TGFBR3: variants seen among roughly 807,000 people sequenced by gnomAD.
TGFBR3 encodes the protein transforming growth factor beta receptor type 3.
Under a neutral mutation model 87.9 loss-of-function variants are expected in TGFBR3, and 46 were observed. The observed-to-expected ratio is 0.52, with a 90% CI of 0.41 to 0.67. The LOEUF is 0.67. Among genes scored for constraint, TGFBR3 ranks in the 30% least tolerant of loss-of-function variants. The pLI, the probability that TGFBR3 is intolerant of heterozygous loss-of-function variation, is 0.00. For synonymous variants in TGFBR3, 381 were observed against 391.6 expected, an observed-to-expected ratio of 0.97 and a Z score of 0.32; for missense variants, 866 against 1,041.9, an observed-to-expected ratio of 0.83 and a Z score of 2.32.
At chr1:91,730,146 A>G (rs1388437646) in intron 5 of TGFBR3, among the ~76,000 whole-genome samples, 173 bp from the exon 6 acceptor site, 15 of 152,128 alleles carry the variant, frequency 9.9e-5, no homozygotes, top group African/African-American at 3.6e-4. Context: ...GCATCCTGTT[A>G]TGGTCACCAG....
Position 91,683,966 on chromosome 1 carries a change from C to A in TGFBR3, c.2438-109G>T, listed in dbSNP as rs538165284. The stretch of plus-strand genomic sequence containing the variant: ...TTGCCATTTTAACTGATATTTTTCT[C>A]AACCAGGGCAGAAGCAACTAGACTA... On this transcript the variant is annotated intron_variant, in intron 16 of 16. Coordinates refer to ENST00000212355, the MANE Select transcript of TGFBR3 (RefSeq NM_003243.5). 4 of 1,040,896 alleles carry A rather than the reference C, an allele frequency of 3.8e-6. No individual in the cohort carries two copies. The South Asian group carries it at 5.7e-5, about 15-fold the overall frequency. The allele number at this position is 1,040,896 out of a possible 1,614,324, so 64.5% of individuals were successfully genotyped here.
At chr1:91,718,877 G>A (rs1330596756) in intron 10 of TGFBR3, among the ~76,000 whole-genome samples, 1 of 152,156 alleles carries the variant, frequency 6.6e-6, no homozygotes, top group Non-Finnish European at 1.5e-5. Flanking sequence ...TCATGAAGGA[G>A]GGAGAAGTTC....
chr1:91,743,004 G>T (rs995164077), intron 4 of TGFBR3, among the ~76,000 whole-genome samples: 1 of 152,068 alleles, frequency 6.6e-6, no homozygotes, highest in Non-Finnish European at 1.5e-5. Flanking sequence ...AGCCAAAGAG[G>T]CAACCAGCCC....
intron 2 of TGFBR3, among the ~76,000 whole-genome samples, chr1:91,856,006 C>T (rs1677929205): frequency 6.6e-6 from 1 of 151,952 alleles, no homozygotes; most frequent in African/African-American, 2.4e-5. Context: ...CACAGTCCAC[C>T]CTCCATCCTC....
At chr1:91,731,708 G>A (rs949369662) in intron 5 of TGFBR3, among the ~76,000 whole-genome samples, 1 of 152,230 alleles carries the variant, frequency 6.6e-6, no homozygotes, top group African/African-American at 2.4e-5. Context: ...CTGGGATTGT[G>A]GCCGGCATAT....
At position 91,690,130 on chromosome 1, in the gene TGFBR3, G is replaced by A. The variant is rs79997120; in HGVS notation, c.2437+5542C>T. On this transcript the variant is annotated intron_variant, in intron 16 of 16. Transcript: ENST00000212355. ...TGAGAAACAAGCAATTTATGTCGCCGAACCCTTAAAAAACTCAGGGAATGG... is the reference window on the plus strand; with the variant it reads ...TGAGAAACAAGCAATTTATGTCGCCAAACCCTTAAAAAACTCAGGGAATGG... Among the ~76,000 whole-genome samples the A allele has an allele frequency of 7.0e-3, 1,070 of 152,158 alleles. 16 individuals are homozygous for A. Among genetic ancestry groups the A allele is most frequent in the African/African-American group, 0.025 (1,036 of 41,520 alleles).
chr1:91,776,950 TAACA>T (rs1674587203), intron 3 of TGFBR3, among the ~76,000 whole-genome samples: 1 of 152,176 alleles, frequency 6.6e-6, no homozygotes, highest in Non-Finnish European at 1.5e-5. Flanking sequence ...CTTCTGAATC[TAACA>T]AACAAAGGTC....
At chr1:91,723,220 A>G (rs996163959) in intron 7 of TGFBR3, among the ~76,000 whole-genome samples, 7 of 152,264 alleles carry the variant, frequency 4.6e-5, no homozygotes, top group Admixed American at 4.6e-4. Context: ...AATACTTCAC[A>G]CCTATAATAC....
chr1:91,838,883 G>C (rs1677165232), intron 2 of TGFBR3, among the ~76,000 whole-genome samples: 2 of 152,100 alleles, frequency 1.3e-5, no homozygotes, highest in Non-Finnish European at 2.9e-5. Context: ...TCAATTTTTT[G>C]CAATACATTG....
intron 1 of TGFBR3, among the ~76,000 whole-genome samples, chr1:91,878,119 T>C (rs1678927050): frequency 6.6e-6 from 1 of 152,192 alleles, no homozygotes; most frequent in Non-Finnish European, 1.5e-5. Flanking sequence ...TTATTCTTTA[T>C]GGAGACTCAG....
intron 2 of TGFBR3, among the ~76,000 whole-genome samples, chr1:91,823,893 GC>G (rs1676540268): frequency 6.6e-6 from 1 of 152,210 alleles, no homozygotes; most frequent in East Asian, 1.9e-4. Context: ...ACTTTGGGAG[GC>G]CAAGGTGGGA....
chr1:91,738,614 C>T (rs1400253010), intron 4 of TGFBR3, among the ~76,000 whole-genome samples: 1 of 152,246 alleles, frequency 6.6e-6, no homozygotes, highest in East Asian at 1.9e-4. Flanking sequence ...TCCCCAGAGG[C>T]AGATGTTGGT....
chr1:91,718,354 C>T lies in TGFBR3; in HGVS notation c.1566+958G>A, dbSNP rs189127083. 9.6e-3 allele frequency among the ~76,000 whole-genome samples: 1,463 copies of T among 152,174 alleles called. 22 individuals carry two copies. The highest frequency in any genetic ancestry group is 0.033 in the African/African-American group (1,379 of 41,504). On this transcript the variant is annotated intron_variant, in intron 10 of 16. Coordinates refer to ENST00000212355, the MANE Select transcript of TGFBR3 (RefSeq NM_003243.5). ...GGAGAGTCACTTCCCACAGGAACCA[C>T]GCTGACCAGAGCACCTGATTGCTAG...
chr1:91,801,260 A>T (rs1338517972), intron 2 of TGFBR3, among the ~76,000 whole-genome samples: 1 of 152,160 alleles, frequency 6.6e-6, no homozygotes, highest in African/African-American at 2.4e-5. Flanking sequence ...AGGTTGCCCC[A>T]GTCACCCAAA....
chr1:91,904,489 C>T lies in TGFBR3; in HGVS notation c.-175+1337G>A, dbSNP rs562034446. Reference sequence around the variant, plus strand: ...TCAGCTCACTGCAACCTCTGCCTCCCGGGTTCAAGCAATTCTCCTGCCTCA... The same window carrying T: ...TCAGCTCACTGCAACCTCTGCCTCCTGGGTTCAAGCAATTCTCCTGCCTCA... On this transcript the variant is annotated intron_variant, in intron 1 of 17. Coordinates refer to the TGFBR3 transcript ENST00000370399. Among the ~76,000 whole-genome samples, 382 of 151,248 alleles carry T rather than the reference C, an allele frequency of 2.5e-3. 2 individuals are homozygous for T. Among genetic ancestry groups the T allele is most frequent in the African/African-American group, 9.0e-3 (369 of 41,162 alleles).
chr1:91,801,094 A>AG, intron 2 of TGFBR3: 1 of 222,814 alleles, frequency 4.5e-6, no homozygotes, highest in Non-Finnish European at 8.9e-6. Flanking sequence ...AAAAAAAAAA[A>AG]AAAAAAGAGA....
In TGFBR3 at chr1:91,682,943, T is replaced by C; in HGVS notation, c.*796A>G. On this transcript the variant is annotated 3_prime_UTR_variant, in exon 17 of 17. Coordinates refer to ENST00000212355, the MANE Select transcript of TGFBR3 (RefSeq NM_003243.5). ...TACATTAATTTGCAGAACAAAATAT[T>C]AGGAATGGGCACAAATCTGTGGTTC... The C allele has an allele frequency of 4.4e-6, 2 of 454,354 alleles. No homozygotes were observed. Among genetic ancestry groups the C allele is most frequent in the Non-Finnish European group, 4.4e-6 (1 of 226,674 alleles). 28.1% of individuals were successfully genotyped at this position (454,354 alleles called of 1,614,324 possible).
At chr1:91,813,415 T>C (rs937496515) in intron 2 of TGFBR3, among the ~76,000 whole-genome samples, 6 of 152,240 alleles carry the variant, frequency 3.9e-5, no homozygotes, top group Non-Finnish European at 4.4e-5. Context: ...AAAGTTCTTA[T>C]GGTCCCTCAA....
intron 4 of TGFBR3, among the ~76,000 whole-genome samples, chr1:91,743,571 T>C (rs191836823): frequency 8.5e-4 from 129 of 152,326 alleles, no homozygotes; most frequent in African/African-American, 3.0e-3. Context: ...TGCCATATAA[T>C]ATGCTTATTG....
Sources: allele counts gnomAD v4.1 joint callset (sites outside exome capture counted in the v4.1 genomes callset), GRCh38; gene constraint gnomAD v4.1.1; transcripts MANE v1.5; gene names NCBI Gene and HGNC (gene_info 2026-07-23, HGNC 2026-07-21).